CPNE5: variants seen among roughly 807,000 people sequenced by gnomAD.
CPNE5 encodes the protein copine-5.
Under a neutral mutation model 81.1 loss-of-function variants are expected in CPNE5, and 42 were observed. That is an observed-to-expected ratio of 0.52 (90% CI 0.40 to 0.67). The LOEUF is 0.67. Among genes scored for constraint, CPNE5 ranks in the 30% least tolerant of loss-of-function variants. The probability of loss-of-function intolerance (pLI) is 0.00; values close to 1 mark genes in which losing one functional copy is unlikely to be tolerated. For synonymous variants in CPNE5, 313 were observed against 321.5 expected, an observed-to-expected ratio of 0.97 and a Z score of 0.28; for missense variants, 612 against 815.5, an observed-to-expected ratio of 0.75 and a Z score of 3.04.
At chr6:36,795,368 G>A (rs1769469770) in intron 6 of CPNE5, among the ~76,000 whole-genome samples, 1 of 151,978 alleles carries the variant, frequency 6.6e-6, no homozygotes, top group Non-Finnish European at 1.5e-5. Flanking sequence ...TAGTAGAGAC[G>A]AGGTTTCACC....
intron 1 of CPNE5, among the ~76,000 whole-genome samples, chr6:36,836,076 C>T (rs1268716273): frequency 6.6e-6 from 1 of 152,208 alleles, no homozygotes; most frequent in African/African-American, 2.4e-5. Context: ...GAGACAGATT[C>T]CAGGGCTCAC....
rs1420726132 is a variant in CPNE5 at position 36,742,215 on chromosome 6, C to G, written c.*53G>C. 1 of 1,393,746 alleles carries G rather than the reference C, an allele frequency of 7.2e-7. No individual in the cohort carries two copies. 86.3% of individuals were successfully genotyped at this position (1,393,746 alleles called of 1,614,324 possible). On this transcript the variant is annotated 3_prime_UTR_variant, in exon 21 of 21. Transcript: ENST00000244751. The stretch of plus-strand genomic sequence containing the variant: ...TTCGGGGAGTCTGGGGCCCTGGCCT[C>G]CCATTCACCTGGCCTCTCCCAGGCC...
chr6:36,835,721 A>C (rs989375904), intron 1 of CPNE5, among the ~76,000 whole-genome samples: 1 of 152,040 alleles, frequency 6.6e-6, no homozygotes, highest in Non-Finnish European at 1.5e-5. Context: ...ACTTGAACCC[A>C]GAAAGCGGAG....
At chr6:36,828,539 T>C (rs1384550617) in intron 1 of CPNE5, among the ~76,000 whole-genome samples, 1 of 152,160 alleles carries the variant, frequency 6.6e-6, no homozygotes, top group Non-Finnish European at 1.5e-5. Flanking sequence ...GCTGCATCAA[T>C]GCACTGAGCA....
At position 36,762,941 on chromosome 6, in the gene CPNE5, C is replaced by T. The variant is rs779601448; in HGVS notation, c.831G>A (p.Gly277=). ...FTTSYRELAR[G]QSQFNIYEVV... is the part of the protein sequence containing the mutation. ...CCTCATAGATGTTGAATTGGCTCTG[C>T]CCACGGGCCAGCTCCCGGTAACTGG... is the stretch of plus-strand genomic sequence containing the variant. Residue 277 remains glycine, a synonymous_variant, in exon 12 of 21, where the codon GGG becomes GGA. Transcript: ENST00000244751. The T allele has an allele frequency of 1.2e-6, 2 of 1,614,114 alleles. No individual in the cohort carries two copies. The highest frequency in any genetic ancestry group is 8.5e-7 in the Non-Finnish European group (1 of 1,179,986).
At chr6:36,836,973 G>A (rs377468021) in intron 1 of CPNE5, among the ~76,000 whole-genome samples, 2 of 152,166 alleles carry the variant, frequency 1.3e-5, no homozygotes, top group East Asian at 3.9e-4. Context: ...TCAGCTCATG[G>A]ATCATGTCCC....
At chr6:36,820,985 G>C (rs1771995825) in intron 3 of CPNE5, among the ~76,000 whole-genome samples, 1 of 152,034 alleles carries the variant, frequency 6.6e-6, no homozygotes, top group African/African-American at 2.4e-5. Context: ...TGGGAGATGA[G>C]AAAAAGTGAT....
intron 1 of CPNE5, among the ~76,000 whole-genome samples, chr6:36,832,580 A>G (rs962247662): frequency 1.3e-5 from 2 of 152,230 alleles, no homozygotes; most frequent in Non-Finnish European, 2.9e-5. Flanking sequence ...GCCTACTGCT[A>G]AGATGATAGC....
At chr6:36,817,371 G>A (rs1420478620) in intron 3 of CPNE5, among the ~76,000 whole-genome samples, 1 of 152,148 alleles carries the variant, frequency 6.6e-6, no homozygotes, top group Non-Finnish European at 1.5e-5. Flanking sequence ...ATGTGCCCTA[G>A]GGGTGGCCCA....
intron 8 of CPNE5, among the ~76,000 whole-genome samples, chr6:36,779,568 A>G (rs560850767): frequency 2.0e-5 from 3 of 152,264 alleles, no homozygotes; most frequent in South Asian, 2.1e-4. Context: ...GGCTCACCCA[A>G]TGCTCTCAGG....
In CPNE5 at chr6:36,839,170, G is replaced by T; in HGVS notation, c.95+113C>A. On this transcript the variant is annotated intron_variant, in intron 1 of 20. Transcript: ENST00000244751. This position sits in a 1 kb window ranked among gnomAD's most constrained non-coding sequence, Gnocchi z 7.3. Reference sequence around the variant, plus strand: ...AGATCGGCAGGGGCGCAGTCCTGGAGACCAGGACACTCTGGGAAGGGGGCG... The same window carrying T: ...AGATCGGCAGGGGCGCAGTCCTGGATACCAGGACACTCTGGGAAGGGGGCG... 1 of 757,488 alleles carries T rather than the reference G, an allele frequency of 1.3e-6. No homozygotes were observed. The highest frequency in any genetic ancestry group is 2.1e-6 in the Non-Finnish European group (1 of 483,338). 46.9% of individuals were successfully genotyped at this position (757,488 alleles called of 1,614,324 possible).
At chr6:36,804,816 C>T (rs890414211) in intron 3 of CPNE5, among the ~76,000 whole-genome samples, 3 of 152,038 alleles carry the variant, frequency 2.0e-5, no homozygotes, top group African/African-American at 7.3e-5. Flanking sequence ...AAACAGGACA[C>T]GGAGGGGAAC....
intron 8 of CPNE5, among the ~76,000 whole-genome samples, chr6:36,779,495 A>G (rs1490949990): frequency 6.6e-6 from 1 of 152,128 alleles, no homozygotes; most frequent in Admixed American, 6.5e-5. Flanking sequence ...CCTCACACCT[A>G]TGTGTGGTTC....
At chr6:36,751,791 T>C (rs1454038416) in intron 14 of CPNE5, among the ~76,000 whole-genome samples, 2 of 150,554 alleles carry the variant, frequency 1.3e-5, no homozygotes, top group Non-Finnish European at 3.0e-5. Context: ...CGAGACTCTG[T>C]CTCAAAAAAT....
intron 3 of CPNE5, among the ~76,000 whole-genome samples, chr6:36,808,556 G>A (rs1220804502): frequency 6.6e-6 from 1 of 152,100 alleles, no homozygotes; most frequent in Non-Finnish European, 1.5e-5. Flanking sequence ...GGAGGGCCCA[G>A]GACCCTCCCA....
intron 3 of CPNE5, among the ~76,000 whole-genome samples, chr6:36,814,346 T>A (rs1310511549): frequency 6.6e-6 from 1 of 152,170 alleles, no homozygotes; most frequent in Admixed American, 6.5e-5. Context: ...TAATTCAACA[T>A]GGTCTCCATA....
At chr6:36,809,197 C>CAG (rs138979516) in intron 3 of CPNE5, among the ~76,000 whole-genome samples, 8 of 150,372 alleles carry the variant, frequency 5.3e-5, no homozygotes, top group South Asian at 4.2e-4. Flanking sequence ...AGCCCCTACG[C>CAG]AGAGAGAGAG....
At chr6:36,761,990 G>A (rs1404725715) in intron 12 of CPNE5, among the ~76,000 whole-genome samples, 1 of 152,082 alleles carries the variant, frequency 6.6e-6, no homozygotes, top group Non-Finnish European at 1.5e-5. Context: ...GGTGGCTCAG[G>A]CCTATAATCC....
At chr6:36,811,083 GAACGGGGAA>G (rs1771058735) in intron 3 of CPNE5, among the ~76,000 whole-genome samples, 1 of 152,172 alleles carries the variant, frequency 6.6e-6, no homozygotes, top group African/African-American at 2.4e-5. Flanking sequence ...GCTCCTCGGG[GAACGGGGAA>G]CGACCCTTTA....
Sources: allele counts gnomAD v4.1 joint callset (sites outside exome capture counted in the v4.1 genomes callset), GRCh38; gene constraint gnomAD v4.1.1; non-coding constraint Gnocchi (gnomAD v3.1); transcripts MANE v1.5; gene names NCBI Gene and HGNC (gene_info 2026-07-23, HGNC 2026-07-21).